The following ZNF407 variants were observed in gnomAD, a reference collection of about 807,000 sequenced individuals.
ZNF407 encodes the protein zinc finger protein 407.
A neutral mutation model predicts 131.2 loss-of-function variants in ZNF407; 17 were observed. The observed-to-expected ratio is 0.13, with a 90% confidence interval of 0.09 to 0.19. The LOEUF (loss-of-function observed/expected upper bound fraction) is 0.19, where lower values mean the gene tolerates loss of function less well. Among genes scored for constraint, ZNF407 ranks in the 10% least tolerant of loss-of-function variants. The pLI is 1.00. For synonymous variants in ZNF407, 1,156 were observed against 1,062.0 expected, an observed-to-expected ratio of 1.09 and a Z score of -1.72; for missense variants, 2,681 against 2,830.6, an observed-to-expected ratio of 0.95 and a Z score of 1.20.
chr18:75,043,336 A>G (rs960373976), intron 8 of ZNF407, among the ~76,000 whole-genome samples: 1 of 152,222 alleles, frequency 6.6e-6, no homozygotes, highest in Non-Finnish European at 1.5e-5. Flanking sequence ...TCTTCCTCAT[A>G]ATGAGCTAAA....
Position 74,820,572 on chromosome 18 carries a change from T to C in ZNF407, c.4877+39070T>C, listed in dbSNP as rs17055664. Among the ~76,000 whole-genome samples, 908 of 152,370 alleles carry C rather than the reference T, an allele frequency of 6.0e-3. 5 individuals carry two copies. Among genetic ancestry groups the C allele is most frequent in the African/African-American group, 0.02 (833 of 41,586 alleles). On this transcript the variant is annotated intron_variant, in intron 4 of 8. Coordinates refer to ENST00000299687, the MANE Select transcript of ZNF407 (RefSeq NM_017757.3). ...TGGGGACTACTGCTTGATCAACTTC[T>C]GTTAGCTGACATTGTGAAGTAGTTT...
At chr18:74,841,888 A>G (rs1053483760) in intron 4 of ZNF407, among the ~76,000 whole-genome samples, 3 of 152,242 alleles carry the variant, frequency 2.0e-5, no homozygotes, top group African/African-American at 7.2e-5. Context: ...CCTTCATGTT[A>G]TCTCCTACGT....
intron 8 of ZNF407, among the ~76,000 whole-genome samples, chr18:74,995,519 C>T (rs997075254): frequency 5.3e-5 from 8 of 152,196 alleles, no homozygotes; most frequent in African/African-American, 1.9e-4. Context: ...TTATTCGCTT[C>T]CTAAATTATT....
At chr18:74,983,316 G>C (rs1972614914) in intron 8 of ZNF407, among the ~76,000 whole-genome samples, 1 of 152,136 alleles carries the variant, frequency 6.6e-6, no homozygotes, top group Non-Finnish European at 1.5e-5. Context: ...CATTAAGGTA[G>C]GCACAGTCAG....
chr18:74,932,402 A>G (rs1053474740), intron 8 of ZNF407, among the ~76,000 whole-genome samples: 2 of 152,212 alleles, frequency 1.3e-5, no homozygotes, highest in African/African-American at 4.8e-5. Flanking sequence ...GAAATTAAGC[A>G]TGCATGGGTT....
intron 4 of ZNF407, among the ~76,000 whole-genome samples, chr18:74,822,291 T>A (rs1348477556): frequency 9.2e-5 from 14 of 152,264 alleles, no homozygotes; most frequent in Non-Finnish European, 1.9e-4. Flanking sequence ...TTGTCAATTT[T>A]GGCTTTTGTT....
chr18:74,987,199 G>A (rs1402287813), intron 8 of ZNF407, among the ~76,000 whole-genome samples: 2 of 151,774 alleles, frequency 1.3e-5, no homozygotes, highest in Non-Finnish European at 2.9e-5. Flanking sequence ...TTAGAGGCGT[G>A]TCGTTGTGTC....
chr18:75,058,699 G>A (rs1014613604), intron 8 of ZNF407, among the ~76,000 whole-genome samples: 1 of 152,136 alleles, frequency 6.6e-6, no homozygotes, highest in Non-Finnish European at 1.5e-5. Flanking sequence ...GTATCCATTT[G>A]GCCATTTGCA....
intron 3 of ZNF407, among the ~76,000 whole-genome samples, chr18:74,659,116 A>G (rs1014365690): frequency 6.6e-6 from 1 of 152,154 alleles, no homozygotes; most frequent in Non-Finnish European, 1.5e-5. Context: ...ATAACTTAAT[A>G]CTGGTGTGTT....
chr18:74,856,596 A>G (rs961680405), intron 4 of ZNF407, among the ~76,000 whole-genome samples: 2 of 152,200 alleles, frequency 1.3e-5, no homozygotes, highest in African/African-American at 4.8e-5. Flanking sequence ...TGTAGCTGCC[A>G]GCAAATCTAA....
At chr18:74,927,983 A>G (rs1367513372) in intron 8 of ZNF407, among the ~76,000 whole-genome samples, 2 of 152,132 alleles carry the variant, frequency 1.3e-5, no homozygotes, top group East Asian at 1.9e-4. Flanking sequence ...TATGTTACCT[A>G]TGTTGAAGAA....
intron 3 of ZNF407, among the ~76,000 whole-genome samples, chr18:74,742,125 C>A (rs182877524): frequency 6.6e-6 from 1 of 152,218 alleles, no homozygotes; most frequent in East Asian, 1.9e-4. Flanking sequence ...TCATTCTTTA[C>A]CCTCCTACTC....
chr18:74,865,246 G>T (rs946397277), intron 4 of ZNF407, among the ~76,000 whole-genome samples: 1 of 152,172 alleles, frequency 6.6e-6, no homozygotes. Flanking sequence ...TTGGACATCA[G>T]TTCATTTCCA....
intron 8 of ZNF407, among the ~76,000 whole-genome samples, chr18:75,057,188 A>G (rs1418359037): frequency 2.6e-5 from 4 of 152,222 alleles, no homozygotes; most frequent in Admixed American, 1.3e-4. Context: ...CTAGCAATGT[A>G]TCAACATTTA....
Position 74,956,276 on chromosome 18 carries a change from T to C in ZNF407, c.5428+35584T>C, listed in dbSNP as rs144820200. Reference sequence around the variant, plus strand: ...CGTCCTGCTTGCATTCCTCCTGACATCCACCAGCCTGTCCTTGCTGGCCTC... The same window carrying C: ...CGTCCTGCTTGCATTCCTCCTGACACCCACCAGCCTGTCCTTGCTGGCCTC... On this transcript the variant is annotated intron_variant, in intron 8 of 8. Transcript: ENST00000299687. 8.8e-3 allele frequency among the ~76,000 whole-genome samples: 1,342 copies of C among 151,884 alleles called. 21 individuals carry two copies. The highest frequency in any genetic ancestry group is 0.029 in the African/African-American group (1,216 of 41,422).
At chr18:74,944,717 T>C (rs1972135826) in intron 8 of ZNF407, among the ~76,000 whole-genome samples, 1 of 152,258 alleles carries the variant, frequency 6.6e-6, no homozygotes, top group Admixed American at 6.5e-5. Flanking sequence ...AAGCAAGTGA[T>C]AGCTGAGATT....
At chr18:74,901,190 T>G (rs1971519540) in intron 7 of ZNF407, among the ~76,000 whole-genome samples, 1 of 152,200 alleles carries the variant, frequency 6.6e-6, no homozygotes, top group South Asian at 2.1e-4. Flanking sequence ...GGATGCTATT[T>G]TTTGCGTTCA....
chr18:75,050,966 T>C (rs931650456), intron 8 of ZNF407, among the ~76,000 whole-genome samples: 1 of 152,198 alleles, frequency 6.6e-6, no homozygotes, highest in African/African-American at 2.4e-5. Flanking sequence ...CCTTCCTTTT[T>C]AGATTTGTCT....
intron 7 of ZNF407, among the ~76,000 whole-genome samples, chr18:74,916,916 A>G (rs1971779617): frequency 1.3e-5 from 2 of 152,116 alleles, no homozygotes; most frequent in South Asian, 2.1e-4. Context: ...TGAAATTTGA[A>G]TGACTTAAAA....
Sources: gnomAD v4.1 joint callset for allele counts (sites outside exome capture counted in the v4.1 genomes callset) on GRCh38, gnomAD v4.1.1 for gene constraint, MANE v1.5 for transcripts, NCBI Gene and HGNC (gene_info 2026-07-23, HGNC 2026-07-21) for gene names.